BRCA1: variants seen among roughly 807,000 people sequenced by gnomAD.
BRCA1 encodes the protein BRCA1 DNA repair associated.
Under a neutral mutation model 173.7 loss-of-function variants are expected in BRCA1, and 140 were observed. The observed-to-expected ratio is 0.81, with a 90% CI of 0.70 to 0.93. The LOEUF (loss-of-function observed/expected upper bound fraction) is 0.93. BRCA1 is among the 40% of genes least tolerant of loss of function. The pLI, the probability that BRCA1 is intolerant of heterozygous loss-of-function variation, is 0.00. For missense variants in BRCA1, 1,983 were observed against 2,172.5 expected, an observed-to-expected ratio of 0.91 and a Z score of 1.73; for synonymous variants, 662 against 756.0, an observed-to-expected ratio of 0.88 and a Z score of 2.04.
chr17:43,051,334 G>A (rs762671930), intron 19 of BRCA1, among the ~76,000 whole-genome samples: 1 of 152,188 alleles, frequency 6.6e-6, no homozygotes, highest in Non-Finnish European at 1.5e-5. Context: ...TTCTTGAAGT[G>A]CATATGTAGT....
rs886040126 is a variant in BRCA1, at chr17:43,092,119, C to A, written c.3412G>T (p.Gly1138Ter). 1 of 1,613,760 alleles carries A rather than the reference C, an allele frequency of 6.2e-7. No individual in the cohort carries two copies. The highest frequency in any genetic ancestry group is 1.3e-5 in the African/African-American group (1 of 74,926). ...LISDNLEQPMGSSHASQVCSE... is the reference protein window; with the variant it reads ...LISDNLEQPM ...CAAACCTGAGATGCATGACTACTTCCCATAGGCTGTTCTAAGTTATCTGAA... is the reference window on the plus strand; with the variant it reads ...CAAACCTGAGATGCATGACTACTTCACATAGGCTGTTCTAAGTTATCTGAA... The change falls in exon 10 of 23, where the codon GGA (glycine) becomes TGA (stop). Residue 1138 changes from glycine to a stop codon, truncating the protein, a stop_gained. Coordinates refer to ENST00000357654, the MANE Select transcript of BRCA1 (RefSeq NM_007294.4). LOFTEE classifies it high-confidence loss of function.
chr17:43,158,127 GTATC>G (rs2056209770), intron 1 of BRCA1, among the ~76,000 whole-genome samples: 1 of 151,958 alleles, frequency 6.6e-6, no homozygotes, highest in South Asian at 2.1e-4. Context: ...TAATTTTTAT[GTATC>G]TGAGTTTTTA....
Position 43,092,311 on chromosome 17 carries a change from T to C in BRCA1, c.3220A>G (p.Arg1074Gly), listed in dbSNP as rs80357263. Residue 1074 changes from arginine to glycine, a missense_variant, in exon 10 of 23, where the codon AGA becomes GGA. Coordinates refer to ENST00000357654, the MANE Select transcript of BRCA1 (RefSeq NM_007294.4). ...GCATTCAATTTTGGCCCTCTGTTTC[T>C]ACCTAGTTCTGCTTGAATGTTTTCA... The part of the protein sequence containing the change: ...SDENIQAELG[R>G]NRGPKLNAML... 2.5e-6 allele frequency: 4 copies of C among 1,613,924 alleles called. No individual in the cohort carries two copies. The African/African-American group carries it at 4.0e-5, about 16-fold the overall frequency.
At chr17:43,047,779 T>G (rs2152822770) in intron 21 of BRCA1, 76 bp from the exon 22 acceptor site, 1 of 1,532,082 alleles carries the variant, frequency 6.5e-7, no homozygotes, top group Non-Finnish European at 9.0e-7. Context: ...TCATTTTTTT[T>G]GTTTGTTTTT....
intron 1 of BRCA1, chr17:43,138,674 A>T: frequency 1.3e-6 from 1 of 778,966 alleles, no homozygotes; most frequent in East Asian, 2.4e-5. Context: ...AAGCCCAGGA[A>T]GCACACATCA....
intron 3 of BRCA1, among the ~76,000 whole-genome samples, chr17:43,113,179 C>T (rs953836705): frequency 6.6e-6 from 1 of 152,106 alleles, no homozygotes; most frequent in Non-Finnish European, 1.5e-5. Flanking sequence ...CTCTCCTTTT[C>T]CTTCATTACT....
At chr17:43,117,345 G>A (rs2055342417) in intron 2 of BRCA1, among the ~76,000 whole-genome samples, 1 of 152,174 alleles carries the variant, frequency 6.6e-6, no homozygotes, top group Non-Finnish European at 1.5e-5. Flanking sequence ...TGGAGACTAA[G>A]GTAGAAGGAT....
At chr17:43,079,543 C>T in intron 12 of BRCA1, 1 of 969,994 alleles carries the variant, frequency 1.0e-6, no homozygotes, top group East Asian at 2.4e-5. Context: ...AAGTTAAGGG[C>T]AAGATTCTTG....
intron 12 of BRCA1, among the ~76,000 whole-genome samples, chr17:43,080,585 G>C (rs953219284): frequency 6.6e-6 from 1 of 152,030 alleles, no homozygotes; most frequent in Non-Finnish European, 1.5e-5. Context: ...TGAGAGGACT[G>C]CTTGAGTCCA....
chr17:43,145,703 G>T (rs547451539), intron 1 of BRCA1, among the ~76,000 whole-genome samples: 1 of 152,206 alleles, frequency 6.6e-6, no homozygotes, highest in Non-Finnish European at 1.5e-5. Context: ...GAGAAGGAGG[G>T]AATCCCACCT....
chr17:43,136,211 T>C (rs1197196997), intron 1 of BRCA1, among the ~76,000 whole-genome samples: 1 of 152,110 alleles, frequency 6.6e-6, no homozygotes, highest in Non-Finnish European at 1.5e-5. Flanking sequence ...ATAAATGGCA[T>C]TGGGAAAACT....
At chr17:43,102,357 CTTTT>C (rs35584960) in intron 6 of BRCA1, among the ~76,000 whole-genome samples, 4 of 93,202 alleles carry the variant, frequency 4.3e-5, no homozygotes, top group Admixed American at 1.3e-4. Flanking sequence ...AGGCGTGAAG[CTTTT>C]TTTTTTTTTT....
chr17:43,090,607 T>A (rs1027648129), intron 11 of BRCA1, among the ~76,000 whole-genome samples: 2 of 152,254 alleles, frequency 1.3e-5, no homozygotes, highest in African/African-American at 4.8e-5. Context: ...ACTTCTGACC[T>A]GAGGTGATCC....
intron 2 of BRCA1, among the ~76,000 whole-genome samples, chr17:43,116,325 C>G (rs2055293124): frequency 6.6e-6 from 1 of 152,110 alleles, no homozygotes; most frequent in African/African-American, 2.4e-5. Context: ...CAACTCATGG[C>G]CAAGCTGTTT....
At chr17:43,119,276 G>GAA in intron 2 of BRCA1, 18 of 188,366 alleles carry the variant, frequency 9.6e-5, no homozygotes, top group East Asian at 1.7e-4. Context: ...CTCAAAAAAA[G>GAA]AAAAAAAAAA....
At position 43,092,706 on chromosome 17, in the gene BRCA1, G is replaced by C. The variant is rs2154357624; in HGVS notation, c.2825C>G (p.Ala942Gly). Residue 942 changes from alanine to glycine, a missense_variant, in exon 10 of 23, where the codon GCC (alanine) becomes GGC (glycine). Ala to Gly is a moderately conservative substitution (Grantham distance 60, BLOSUM62 0). Coordinates refer to ENST00000357654, the MANE Select transcript of BRCA1 (RefSeq NM_007294.4). ...VGQKDKPVDN[A>G]KCSIKGGSRF... ...AGAGCCTCCTTTGATACTACATTTG[G>C]CATTATCAACTGGCTTATCTTTCTG... is the stretch of plus-strand genomic sequence containing the variant. 1 of 1,614,058 alleles carries C rather than the reference G, an allele frequency of 6.2e-7. No individual in the cohort carries two copies. Among genetic ancestry groups the C allele is most frequent in the Non-Finnish European group, 8.5e-7 (1 of 1,180,000 alleles).
chr17:43,127,315 A>T (rs181732251), upstream of BRCA1, among the ~76,000 whole-genome samples: 34 of 152,342 alleles, frequency 2.2e-4, no homozygotes, highest in South Asian at 8.3e-4. Flanking sequence ...TTTTATATGC[A>T]CCAGTCAGCA....
chr17:43,131,716 G>A (rs1261286061), intron 1 of BRCA1, among the ~76,000 whole-genome samples: 5 of 148,492 alleles, frequency 3.4e-5, no homozygotes, highest in African/African-American at 9.9e-5. Context: ...GCGAGACTCC[G>A]TCTCAAAAAA....
intron 1 of BRCA1, among the ~76,000 whole-genome samples, chr17:43,142,112 C>T (rs935686813): frequency 2.6e-5 from 4 of 152,096 alleles, no homozygotes; most frequent in African/African-American, 9.7e-5. Flanking sequence ...CGGGGTTTTG[C>T]CATGTTGGCC....
Sources: gnomAD v4.1 joint callset for allele counts (sites outside exome capture counted in the v4.1 genomes callset) on GRCh38, gnomAD v4.1.1 for gene constraint, MANE v1.5 for transcripts, NCBI Gene and HGNC (gene_info 2026-07-23, HGNC 2026-07-21) for gene names.